NKAIN3: variants seen among roughly 807,000 people sequenced by gnomAD.
The protein encoded by NKAIN3 is sodium/potassium transporting ATPase interacting 3, also known as sodium/potassium-transporting ATPase subunit beta-1-interacting protein 3.
NKAIN3 carries 25 observed loss-of-function variants against 30.2 expected under a neutral mutation model. The ratio of observed to expected loss-of-function variants is 0.83; its 90% confidence interval spans 0.60 to 1.16. The LOEUF (loss-of-function observed/expected upper bound fraction) is 1.16, where lower values mean the gene tolerates loss of function less well. Ranked by LOEUF, NKAIN3 falls within the 50% of genes most tolerant of loss-of-function variation. The pLI is 0.00. For missense variants in NKAIN3, 225 were observed against 254.1 expected, an observed-to-expected ratio of 0.89 and a Z score of 0.78; for synonymous variants, 91 against 89.6, an observed-to-expected ratio of 1.02 and a Z score of -0.09.
chr8:62,624,547 G>A (rs765388492), intron 3 of NKAIN3, among the ~76,000 whole-genome samples: 5 of 150,468 alleles, frequency 3.3e-5, no homozygotes, highest in Non-Finnish European at 5.9e-5. Flanking sequence ...ATTTTCTGTA[G>A]TTTGAATATG....
chr8:62,877,884 T>C (rs1820848158), intron 4 of NKAIN3, among the ~76,000 whole-genome samples: 1 of 151,876 alleles, frequency 6.6e-6, no homozygotes, highest in South Asian at 2.1e-4. Flanking sequence ...CTACTAAAAA[T>C]GCAAAATTAG....
intron 3 of NKAIN3, among the ~76,000 whole-genome samples, chr8:62,667,203 C>T (rs1364668745): frequency 2.7e-5 from 4 of 150,160 alleles, no homozygotes; most frequent in South Asian, 4.2e-4. Flanking sequence ...ATGTAAATGA[C>T]GAGTTGATGG....
At chr8:62,360,995 C>T (rs1816542493) in intron 1 of NKAIN3, among the ~76,000 whole-genome samples, 1 of 126,972 alleles carries the variant, frequency 7.9e-6, no homozygotes, top group African/African-American at 3.0e-5. Flanking sequence ...AAATAGCCTA[C>T]TGACATTCCC....
chr8:62,523,341 A>T lies in NKAIN3; in HGVS notation c.55-56198A>T, dbSNP rs184889910. ...TGTCTAATAACACATTTCTCAGAAC[A>T]TATCTCATTGTTAAACAAAGCATGA... On this transcript the variant is annotated intron_variant, in intron 1 of 6. Coordinates refer to ENST00000623646, the MANE Select transcript of NKAIN3 (RefSeq NM_001304533.3). Among the ~76,000 whole-genome samples the T allele has an allele frequency of 1.3e-4, 20 of 152,252 alleles. 1 individual carries two copies. Among genetic ancestry groups the T allele is most frequent in the Middle Eastern group, 3.4e-3 (1 of 294 alleles).
chr8:62,919,671 A>G (rs1822217846), intron 5 of NKAIN3, among the ~76,000 whole-genome samples: 1 of 152,244 alleles, frequency 6.6e-6, no homozygotes, highest in South Asian at 2.1e-4. Flanking sequence ...AATTTGTAAC[A>G]AAATGAAGCA....
At chr8:62,880,855 T>C (rs569064207) in intron 4 of NKAIN3, among the ~76,000 whole-genome samples, 7 of 152,326 alleles carry the variant, frequency 4.6e-5, no homozygotes, top group Non-Finnish European at 5.9e-5. Context: ...ACATGGTTAA[T>C]TTTAAATTTG....
Position 62,917,317 on chromosome 8 carries a change from C to T in NKAIN3, c.472-1136C>T, listed in dbSNP as rs888173179. Among the ~76,000 whole-genome samples, 6 of 152,294 alleles carry T rather than the reference C, an allele frequency of 3.9e-5. No homozygotes were observed. In the East Asian group the frequency reaches 5.8e-4, roughly 15 times the overall value. Reference sequence around the variant, plus strand: ...AAATGTTAAGCTCCCCAAGTGCTTTCGCAGCACCCCCTCACCTGGCTTGAG... The same window carrying T: ...AAATGTTAAGCTCCCCAAGTGCTTTTGCAGCACCCCCTCACCTGGCTTGAG... On this transcript the variant is annotated intron_variant, in intron 4 of 6. Transcript: ENST00000623646.
intron 5 of NKAIN3, among the ~76,000 whole-genome samples, chr8:62,992,095 T>G (rs1020330699): frequency 6.6e-6 from 1 of 151,862 alleles, no homozygotes; most frequent in Non-Finnish European, 1.5e-5. Flanking sequence ...CTCAGCACTC[T>G]GCAGCTTACA....
At chr8:62,472,045 G>C (rs1475660629) in intron 1 of NKAIN3, among the ~76,000 whole-genome samples, 1 of 122,864 alleles carries the variant, frequency 8.1e-6, no homozygotes, top group Non-Finnish European at 1.8e-5. Context: ...AAAAAAAAAA[G>C]TCTTCAGCTC....
At position 62,768,008 on chromosome 8, in the gene NKAIN3, A is replaced by G. The variant is rs1197325402; in HGVS notation, c.471+20879A>G. On this transcript the variant is annotated intron_variant, in intron 4 of 6. Transcript: ENST00000623646. ...TAATGTGGCTACTAGACAATTCAAA[A>G]TCATATATGCAACTCACATTATATT... Among the ~76,000 whole-genome samples the G allele has an allele frequency of 6.6e-5, 10 of 152,160 alleles. No homozygotes were observed. The East Asian group carries it at 1.7e-3, about 26-fold the overall frequency.
intron 3 of NKAIN3, among the ~76,000 whole-genome samples, chr8:62,650,314 G>A (rs1375910664): frequency 6.6e-6 from 1 of 152,054 alleles, no homozygotes; most frequent in Non-Finnish European, 1.5e-5. Context: ...TCGCAATAGA[G>A]TAACAATGCT....
At chr8:62,929,269 G>C (rs1446040199) in intron 5 of NKAIN3, among the ~76,000 whole-genome samples, 1 of 152,182 alleles carries the variant, frequency 6.6e-6, no homozygotes, top group African/African-American at 2.4e-5. Context: ...TTGTCCCAGA[G>C]ACTGCATTGT....
intron 4 of NKAIN3, among the ~76,000 whole-genome samples, chr8:62,914,085 A>G (rs888365853): frequency 1.3e-5 from 2 of 152,196 alleles, no homozygotes; most frequent in African/African-American, 2.4e-5. Flanking sequence ...AAAAACACGG[A>G]ATCAACCCAA....
At chr8:62,458,887 C>G (rs975871858) in intron 1 of NKAIN3, among the ~76,000 whole-genome samples, 1 of 152,174 alleles carries the variant, frequency 6.6e-6, no homozygotes, top group Admixed American at 6.5e-5. Flanking sequence ...TATTTTGGAA[C>G]AGGTCAATAC....
At chr8:62,749,519 T>C (rs1816200073) in intron 4 of NKAIN3, among the ~76,000 whole-genome samples, 1 of 152,210 alleles carries the variant, frequency 6.6e-6, no homozygotes, top group South Asian at 2.1e-4. Context: ...AGATTTTTAA[T>C]ATTTTATCTT....
chr8:62,693,769 A>G (rs1416175975), intron 3 of NKAIN3, among the ~76,000 whole-genome samples: 1 of 152,150 alleles, frequency 6.6e-6, no homozygotes, highest in African/African-American at 2.4e-5. Flanking sequence ...CACTCTAACT[A>G]ATCTTAAGGC....
At chr8:62,381,071 CAT>C (rs1554524175) in intron 1 of NKAIN3, among the ~76,000 whole-genome samples, 1 of 152,114 alleles carries the variant, frequency 6.6e-6, no homozygotes, top group Non-Finnish European at 1.5e-5. Flanking sequence ...CAATTAAAAA[CAT>C]AAATTAACTA....
chr8:62,578,872 T>C (rs1313654480), intron 1 of NKAIN3, among the ~76,000 whole-genome samples: 1 of 151,784 alleles, frequency 6.6e-6, no homozygotes, highest in East Asian at 1.9e-4. Context: ...GAGAGTAGAA[T>C]GATGGTTACC....
intron 1 of NKAIN3, among the ~76,000 whole-genome samples, chr8:62,426,993 T>C (rs1198208894): frequency 1.3e-5 from 2 of 151,972 alleles, no homozygotes; most frequent in Admixed American, 1.3e-4. Context: ...TGCTGGGGAC[T>C]GTTGTATAAG....
Sources: gnomAD v4.1 joint callset for allele counts (sites outside exome capture counted in the v4.1 genomes callset) on GRCh38, gnomAD v4.1.1 for gene constraint, MANE v1.5 for transcripts, NCBI Gene and HGNC (gene_info 2026-07-23, HGNC 2026-07-21) for gene names.